PTPRM: variants seen among roughly 807,000 people sequenced by gnomAD.
The protein encoded by PTPRM is receptor-type tyrosine-protein phosphatase mu.
Under a neutral mutation model 186.7 loss-of-function variants are expected in PTPRM, and 47 were observed. The ratio of observed to expected loss-of-function variants is 0.25; its 90% confidence interval spans 0.20 to 0.32. The LOEUF (loss-of-function observed/expected upper bound fraction) is 0.32, where lower values mean the gene tolerates loss of function less well. PTPRM is among the 10% of genes least tolerant of loss of function. The probability of loss-of-function intolerance (pLI) is 1.00; values close to 1 mark genes in which losing one functional copy is unlikely to be tolerated. For synonymous variants in PTPRM, 668 were observed against 674.9 expected (o/e 0.99, Z 0.16); for missense variants, 1,494 against 1,865.0 (o/e 0.80, Z 3.66).
intron 4 of PTPRM, among the ~76,000 whole-genome samples, chr18:7,915,244 T>C (rs554112555): frequency 1.1e-4 from 17 of 152,252 alleles, no homozygotes; most frequent in African/African-American, 3.8e-4. Flanking sequence ...ATGTTTGTTA[T>C]TCATGGAAGA....
At chr18:8,106,421 T>A (rs1287736668) in intron 11 of PTPRM, among the ~76,000 whole-genome samples, 1 of 152,184 alleles carries the variant, frequency 6.6e-6, no homozygotes, top group Non-Finnish European at 1.5e-5. Context: ...ATTTGGGCAC[T>A]TGGTTCAGGT....
chr18:8,085,467 A>C (rs1056252567), intron 9 of PTPRM, among the ~76,000 whole-genome samples: 1 of 152,154 alleles, frequency 6.6e-6, no homozygotes, highest in Non-Finnish European at 1.5e-5. Flanking sequence ...CTACTGGCTT[A>C]AGTTCCCCTG....
intron 1 of PTPRM, among the ~76,000 whole-genome samples, chr18:7,640,786 GA>G (rs2038425592): frequency 6.6e-6 from 1 of 152,168 alleles, no homozygotes; most frequent in South Asian, 2.1e-4. Context: ...TATGTAGTAG[GA>G]TAGTTGGATT....
In PTPRM at chr18:8,088,737, C is replaced by CTTTTTTTT. The variant is rs754579992; in HGVS notation, c.1754-7_1754-6insTTTTTTTT. 87 of 1,588,784 alleles carry CTTTTTTTT rather than the reference C, an allele frequency of 5.5e-5. No individual in the cohort carries two copies. Among genetic ancestry groups the CTTTTTTTT allele is most frequent in the Admixed American group, 2.3e-4 (14 of 59,756 alleles). ...AAATAATGAGTCTCCCATTCTACGC[C>CTTTTTTTT]TTTTTCCCCAGCACCCTCTATGCCA... On this transcript the variant is annotated splice_polypyrimidine_tract_variant and intron_variant, in intron 10 of 32. Coordinates refer to ENST00000580170, the MANE Select transcript of PTPRM (RefSeq NM_001105244.2).
intron 3 of PTPRM, among the ~76,000 whole-genome samples, chr18:7,900,464 C>T (rs551412002): frequency 3.0e-4 from 45 of 152,092 alleles, no homozygotes; most frequent in African/African-American, 9.4e-4. Flanking sequence ...AAAACTATGC[C>T]GTATCAGTCT....
In PTPRM at chr18:8,217,300, T is replaced by C. The variant is rs72909143; in HGVS notation, c.2301-26758T>C. On this transcript the variant is annotated intron_variant, in intron 14 of 32. Coordinates refer to ENST00000580170, the MANE Select transcript of PTPRM (RefSeq NM_001105244.2). ...GCGCATAAGTCGGCAAGTCAGTAGG[T>C]TTCTGCGTATCAAGAAGGAAGAGCA... is the stretch of plus-strand genomic sequence containing the variant. 5.0e-3 allele frequency among the ~76,000 whole-genome samples: 763 copies of C among 152,272 alleles called. 1 individual carries two copies. The highest frequency in any genetic ancestry group is 8.7e-3 in the Non-Finnish European group (592 of 68,016).
At chr18:7,820,726 G>A (rs1375182990) in intron 2 of PTPRM, among the ~76,000 whole-genome samples, 7 of 152,228 alleles carry the variant, frequency 4.6e-5, no homozygotes, top group South Asian at 2.1e-4. Flanking sequence ...GCCACCTCCC[G>A]TGGGTGACTT....
chr18:8,307,613 G>C (rs1295741619), intron 20 of PTPRM, among the ~76,000 whole-genome samples: 1 of 152,090 alleles, frequency 6.6e-6, no homozygotes, highest in African/African-American at 2.4e-5. Flanking sequence ...AGACCAGCCT[G>C]GCCAACATGG....
intron 7 of PTPRM, among the ~76,000 whole-genome samples, chr18:8,028,474 T>G (rs1015677560): frequency 6.6e-6 from 1 of 152,192 alleles, no homozygotes; most frequent in Non-Finnish European, 1.5e-5. Context: ...ATATAATATG[T>G]GTGTTTTTGT....
At chr18:7,980,157 T>C (rs992598804) in intron 7 of PTPRM, among the ~76,000 whole-genome samples, 2 of 152,164 alleles carry the variant, frequency 1.3e-5, no homozygotes, top group Non-Finnish European at 2.9e-5. Flanking sequence ...AGCTGCCCAC[T>C]CATTTTGGCC....
intron 2 of PTPRM, among the ~76,000 whole-genome samples, chr18:7,800,877 A>G (rs746122139): frequency 1.3e-5 from 2 of 152,196 alleles, no homozygotes; most frequent in Admixed American, 6.5e-5. Context: ...CAACACAATG[A>G]TAAGTATTAA....
In PTPRM at chr18:7,568,014, G is replaced by A; in HGVS notation, c.73+123G>A. The A allele has an allele frequency of 1.1e-6, 1 of 928,784 alleles. No individual in the cohort carries two copies. The highest frequency in any genetic ancestry group is 1.4e-6 in the Non-Finnish European group (1 of 694,124). The allele number at this position is 928,784 out of a possible 1,614,324, so 57.5% of individuals were successfully genotyped here. On this transcript the variant is annotated intron_variant, in intron 1 of 32. Coordinates refer to ENST00000580170, the MANE Select transcript of PTPRM (RefSeq NM_001105244.2). This position sits in a 1 kb window ranked among gnomAD's most constrained non-coding sequence, Gnocchi z 5.1. ...GTCGGGGCCGGGCGGGGGGCGCGGC[G>A]GGCCGGACACCGCTTCTGCCTGTGA...
rs189449736 is a variant in PTPRM, at chr18:7,819,280, C to A, written c.196+45009C>A. Among the ~76,000 whole-genome samples the A allele has an allele frequency of 2.0e-5, 3 of 152,360 alleles. No homozygotes were observed. In the East Asian group the frequency reaches 5.8e-4, roughly 29 times the overall value. Reference sequence around the variant, plus strand: ...AAGACCACCCTGGCCTGCCATGCCCCCTTCCTGTGCCTATAAAAACTATGA... The same window carrying A: ...AAGACCACCCTGGCCTGCCATGCCCACTTCCTGTGCCTATAAAAACTATGA... On this transcript the variant is annotated intron_variant, in intron 2 of 32. Transcript: ENST00000580170.
At chr18:7,842,894 T>TATATATATG (rs2046404937) in intron 2 of PTPRM, among the ~76,000 whole-genome samples, 1 of 141,918 alleles carries the variant, frequency 7.0e-6, no homozygotes, top group South Asian at 2.2e-4. Context: ...TGTGTATATA[T>TATATATATG]ATATATGTTT....
intron 14 of PTPRM, among the ~76,000 whole-genome samples, chr18:8,227,443 T>A (rs556743185): frequency 1.3e-5 from 2 of 152,186 alleles, no homozygotes; most frequent in African/African-American, 4.8e-5. Context: ...TAAAAAAAAT[T>A]TTCATCCTTT....
At chr18:8,325,501 C>A (rs1472060602) in intron 22 of PTPRM, among the ~76,000 whole-genome samples, 1 of 152,160 alleles carries the variant, frequency 6.6e-6, no homozygotes, top group African/African-American at 2.4e-5. Context: ...TAATCTCATT[C>A]TTTTTTATGG....
intron 6 of PTPRM, 119 bp from the exon 7 acceptor site, chr18:7,955,002 C>A (rs1298763099): frequency 3.7e-6 from 4 of 1,094,588 alleles, no homozygotes; most frequent in Non-Finnish European, 5.1e-6. Context: ...CAAAATTTTT[C>A]TCATCAATTT....
chr18:8,235,588 T>A (rs2094337081), intron 14 of PTPRM, among the ~76,000 whole-genome samples: 1 of 151,036 alleles, frequency 6.6e-6, no homozygotes, highest in African/African-American at 2.4e-5. Flanking sequence ...TCTGCACTAA[T>A]TTTTTTTTAT....
At chr18:7,587,349 A>G (rs1598465707) in intron 1 of PTPRM, among the ~76,000 whole-genome samples, 1 of 152,130 alleles carries the variant, frequency 6.6e-6, no homozygotes, top group South Asian at 2.1e-4. Context: ...GTTCATATAA[A>G]TAGATGGATA....
Sources: allele counts gnomAD v4.1 joint callset (sites outside exome capture counted in the v4.1 genomes callset), GRCh38; gene constraint gnomAD v4.1.1; non-coding constraint Gnocchi (gnomAD v3.1); transcripts MANE v1.5; gene names NCBI Gene and HGNC (gene_info 2026-07-23, HGNC 2026-07-21).